Variants in PLXDC2 observed in about 807,000 individuals in gnomAD.
PLXDC2 encodes plexin domain containing 2.
PLXDC2 carries 40 observed loss-of-function variants against 68.9 expected under a neutral mutation model. That is an observed-to-expected ratio of 0.58 (90% CI 0.45 to 0.76). The LOEUF (loss-of-function observed/expected upper bound fraction) is 0.76. PLXDC2 is among the 30% of genes least tolerant of loss of function. PLXDC2 has a pLI of 0.00. For synonymous variants in PLXDC2, 243 were observed against 234.2 expected, an observed-to-expected ratio of 1.04 and a Z score of -0.34; for missense variants, 644 against 661.9, an observed-to-expected ratio of 0.97 and a Z score of 0.30.
chr10:20,142,945 TAAC>T (rs1035838647), intron 4 of PLXDC2, among the ~76,000 whole-genome samples: 1 of 152,104 alleles, frequency 6.6e-6, no homozygotes, highest in African/African-American at 2.4e-5. Flanking sequence ...ATTGTTAAAA[TAAC>T]AAGGGATTAA....
intron 13 of PLXDC2, among the ~76,000 whole-genome samples, chr10:20,252,441 TAGAC>T (rs1835689335): frequency 6.6e-6 from 1 of 152,236 alleles, no homozygotes; most frequent in Admixed American, 6.5e-5. Flanking sequence ...AAATGGACAC[TAGAC>T]ACTTTTAAAA....
At chr10:19,963,979 G>A (rs1357687781) in intron 1 of PLXDC2, among the ~76,000 whole-genome samples, 1 of 152,114 alleles carries the variant, frequency 6.6e-6, no homozygotes, top group Non-Finnish European at 1.5e-5. Context: ...AAATGTGTAA[G>A]TGCAATAATG....
At chr10:20,158,543 A>C (rs964553105) in intron 6 of PLXDC2, among the ~76,000 whole-genome samples, 1 of 76,272 alleles carries the variant, frequency 1.3e-5, no homozygotes, top group Non-Finnish European at 3.3e-5. Context: ...AAGAACTAGC[A>C]AGCAAGCTAC....
In PLXDC2 at chr10:20,219,089, A is replaced by C. The variant is rs1409227181; in HGVS notation, c.1299A>C (p.Leu433=). 1 of 1,607,056 alleles carries C rather than the reference A, an allele frequency of 6.2e-7. No individual in the cohort carries two copies. The highest frequency in any genetic ancestry group is 2.2e-5 in the East Asian group (1 of 44,558). Residue 433 remains leucine, a synonymous_variant, in exon 12 of 14, where the codon CTA becomes CTC. Transcript: ENST00000377252. ...TEDDTKIALH[L]KDNGASTDDS... ...ATGATACCAAGATAGCACTACATCTAAAAGATAATGGAGGTAGGAATTGAT... is the reference window on the plus strand; with the variant it reads ...ATGATACCAAGATAGCACTACATCTCAAAGATAATGGAGGTAGGAATTGAT...
chr10:19,841,518 G>A (rs1304708969), intron 1 of PLXDC2, among the ~76,000 whole-genome samples: 1 of 146,536 alleles, frequency 6.8e-6, no homozygotes, highest in Non-Finnish European at 1.5e-5. Context: ...ACCATTGTTA[G>A]AATATGGTGT....
chr10:20,073,534 A>T (rs1197225860), intron 4 of PLXDC2, among the ~76,000 whole-genome samples: 1 of 152,198 alleles, frequency 6.6e-6, no homozygotes, highest in East Asian at 1.9e-4. Flanking sequence ...ATAAAAATAG[A>T]ATCTTTGCCT....
chr10:19,932,887 A>G (rs1833664010), intron 1 of PLXDC2, among the ~76,000 whole-genome samples: 1 of 152,320 alleles, frequency 6.6e-6, no homozygotes, highest in East Asian at 1.9e-4. Flanking sequence ...CTTTGGGTCA[A>G]GTAGAAAGGG....
chr10:20,240,803 A>T (rs761817371), intron 12 of PLXDC2, among the ~76,000 whole-genome samples: 1 of 152,000 alleles, frequency 6.6e-6, no homozygotes, highest in African/African-American at 2.4e-5. Context: ...CTCCATTCAG[A>T]TGGTCACTCT....
intron 1 of PLXDC2, among the ~76,000 whole-genome samples, chr10:19,968,177 A>G (rs1353502310): frequency 6.6e-6 from 1 of 152,226 alleles, no homozygotes; most frequent in Non-Finnish European, 1.5e-5. Flanking sequence ...CTGTTTAATT[A>G]AAGTGGAAAT....
intron 10 of PLXDC2, among the ~76,000 whole-genome samples, chr10:20,212,155 G>A (rs1835078176): frequency 2.0e-5 from 3 of 151,914 alleles, no homozygotes; most frequent in Non-Finnish European, 4.4e-5. Context: ...GAATAGTAGG[G>A]CCAGGATTGG....
At chr10:19,857,871 C>A (rs1247736237) in intron 1 of PLXDC2, among the ~76,000 whole-genome samples, 1 of 152,144 alleles carries the variant, frequency 6.6e-6, no homozygotes, top group South Asian at 2.1e-4. Flanking sequence ...GCAATTGATT[C>A]ATCATCAAAA....
chr10:20,039,371 G>A (rs544159601), intron 2 of PLXDC2, among the ~76,000 whole-genome samples: 57 of 152,000 alleles, frequency 3.8e-4, no homozygotes, highest in Admixed American at 5.9e-4. Flanking sequence ...TTTTATTTAC[G>A]GCAATTAGTA....
At chr10:19,959,612 G>A (rs893955293) in intron 1 of PLXDC2, among the ~76,000 whole-genome samples, 3 of 152,068 alleles carry the variant, frequency 2.0e-5, no homozygotes, top group South Asian at 4.1e-4. Context: ...AGAAATATTC[G>A]TATCTGAGAT....
intron 1 of PLXDC2, among the ~76,000 whole-genome samples, chr10:19,860,208 G>T (rs116015542): frequency 6.6e-6 from 1 of 152,210 alleles, no homozygotes; most frequent in South Asian, 2.1e-4. Context: ...TGTCATGCAG[G>T]GTGCAGTTTG....
At chr10:20,106,826 T>C (rs1292912996) in intron 4 of PLXDC2, among the ~76,000 whole-genome samples, 1 of 152,046 alleles carries the variant, frequency 6.6e-6, no homozygotes, top group Non-Finnish European at 1.5e-5. Context: ...ATACCACATA[T>C]GTTATATGCT....
intron 2 of PLXDC2, among the ~76,000 whole-genome samples, chr10:20,033,692 G>T (rs1271015075): frequency 1.3e-5 from 2 of 152,092 alleles, no homozygotes; most frequent in Non-Finnish European, 2.9e-5. Flanking sequence ...CACAAGAACA[G>T]CATGGGAAAG....
chr10:20,100,585 C>A (rs570807317), intron 4 of PLXDC2, among the ~76,000 whole-genome samples: 1 of 152,198 alleles, frequency 6.6e-6, no homozygotes, highest in African/African-American at 2.4e-5. Flanking sequence ...ACATGTCATT[C>A]CTGTTGCCCT....
intron 4 of PLXDC2, among the ~76,000 whole-genome samples, chr10:20,106,165 G>A (rs932253243): frequency 9.9e-5 from 15 of 152,130 alleles, no homozygotes; most frequent in African/African-American, 1.4e-4. Context: ...TGTGTTTTAC[G>A]TTTTGTAAAA....
Position 20,126,712 on chromosome 10 carries a change from T to TATATGTATATAG in PLXDC2, c.542-16582_542-16581insTATGTATATAGA, listed in dbSNP as rs1833791908. Among the ~76,000 whole-genome samples, 2 of 6,210 alleles carry TATATGTATATAG rather than the reference T, an allele frequency of 3.2e-4. 1 individual carries two copies. The highest frequency in any genetic ancestry group is 6.8e-4 in the Non-Finnish European group (2 of 2,928). The allele number at this position is 6,210 out of a possible 152,430, so 4.1% of individuals were successfully genotyped here. On this transcript the variant is annotated intron_variant, in intron 4 of 13. Coordinates refer to ENST00000377252, the MANE Select transcript of PLXDC2 (RefSeq NM_032812.9). ...ATAACACACGTTATATATGTATATA[T>TATATGTATATAG]AACACACACGTTATATATGTATATA...
Sources: gnomAD v4.1 joint callset for allele counts (sites outside exome capture counted in the v4.1 genomes callset) on GRCh38, gnomAD v4.1.1 for gene constraint, MANE v1.5 for transcripts, NCBI Gene and HGNC (gene_info 2026-07-23, HGNC 2026-07-21) for gene names.